The following LIMA1 variants were observed in gnomAD, a reference collection of about 807,000 sequenced individuals.
LIMA1 encodes LIM domain and actin binding 1.
A neutral mutation model predicts 62.6 loss-of-function variants in LIMA1; 52 were observed. The observed-to-expected ratio is 0.83, with a 90% confidence interval of 0.67 to 1.05. The LOEUF is 1.05. Ranked by LOEUF, LIMA1 falls within the 50% of genes least tolerant of loss-of-function variation. LIMA1 has a pLI of 0.00. For synonymous variants in LIMA1, 302 were observed against 317.8 expected, an observed-to-expected ratio of 0.95 and a Z score of 0.53; for missense variants, 780 against 902.2, an observed-to-expected ratio of 0.86 and a Z score of 1.74.
intron 4 of LIMA1, among the ~76,000 whole-genome samples, chr12:50,209,591 A>AAGG (rs1941218177): frequency 1.6e-5 from 1 of 61,458 alleles, no homozygotes; most frequent in South Asian, 7.6e-4. Context: ...AAAAAAAGAA[A>AAGG]AAAGATAATG....
At chr12:50,255,633 TTTTAAGAAATAGA>T (rs978018994) in intron 1 of LIMA1, among the ~76,000 whole-genome samples, 18 of 151,452 alleles carry the variant, frequency 1.2e-4, no homozygotes, top group African/African-American at 4.1e-4. Flanking sequence ...AAAACATTAT[TTTTAAGAAATAGA>T]TTGTAGAGTT....
At chr12:50,282,477 CATCTGGATTAGGCAG>C (rs1942351727) in intron 1 of LIMA1, among the ~76,000 whole-genome samples, 1 of 152,190 alleles carries the variant, frequency 6.6e-6, no homozygotes. Flanking sequence ...TCAATTGAAC[CATCTGGATTAGGCAG>C]ATCTGGATTA....
At chr12:50,262,245 A>G (rs1942080993) in intron 1 of LIMA1, among the ~76,000 whole-genome samples, 1 of 152,210 alleles carries the variant, frequency 6.6e-6, no homozygotes, top group Non-Finnish European at 1.5e-5. Context: ...TTAGAAACCA[A>G]AAGGAAGATG....
At chr12:50,237,517 G>A (rs1941713365) in intron 2 of LIMA1, among the ~76,000 whole-genome samples, 1 of 152,006 alleles carries the variant, frequency 6.6e-6, no homozygotes, top group Non-Finnish European at 1.5e-5. Context: ...CATGCCTGTA[G>A]TCCCAGCAAC....
rs1353784471 is a variant in LIMA1 at position 50,224,298 on chromosome 12, C to A, written c.166-1813G>T. On this transcript the variant is annotated intron_variant, in intron 3 of 10. Transcript: ENST00000341247. The stretch of plus-strand genomic sequence containing the variant: ...AATATACTCTTGAAAGCCACTTCAT[C>A]AAGTAGAAATAAGGCTTGAAAAGAA... The A allele has an allele frequency of 3.3e-5, 5 of 152,278 alleles. No individual in the cohort carries two copies. The East Asian group carries it at 7.7e-4, about 23-fold the overall frequency. The allele number at this position is 152,278 out of a possible 1,614,324, so 9.4% of individuals were successfully genotyped here.
At chr12:50,254,406 T>C (rs1221324598) in intron 1 of LIMA1, among the ~76,000 whole-genome samples, 2 of 152,160 alleles carry the variant, frequency 1.3e-5, no homozygotes, top group Non-Finnish European at 2.9e-5. Flanking sequence ...CCAAATCCCC[T>C]TTTTTACAGT....
chr12:50,276,672 C>T (rs1194244447), intron 1 of LIMA1, among the ~76,000 whole-genome samples: 2 of 152,080 alleles, frequency 1.3e-5, no homozygotes, highest in African/African-American at 4.8e-5. Context: ...GAGTTCAAGA[C>T]CAGCCTGGCC....
intron 1 of LIMA1, among the ~76,000 whole-genome samples, chr12:50,264,590 T>C (rs1942116173): frequency 6.6e-6 from 1 of 152,182 alleles, no homozygotes; most frequent in Non-Finnish European, 1.5e-5. Context: ...AACCTCTCTG[T>C]ACTTTACTTT....
At chr12:50,252,529 C>T (rs1370452434) in intron 1 of LIMA1, among the ~76,000 whole-genome samples, 8 of 140,166 alleles carry the variant, frequency 5.7e-5, no homozygotes, top group Admixed American at 3.1e-4. Flanking sequence ...TGCAGTGAGC[C>T]GAGATTGCAC....
chr12:50,180,480 G>T (rs987435069), intron 10 of LIMA1, among the ~76,000 whole-genome samples: 1 of 151,590 alleles, frequency 6.6e-6, no homozygotes, highest in Non-Finnish European at 1.5e-5. Flanking sequence ...ATCTCAAAAA[G>T]AAAAACCAGA....
At position 50,177,318 on chromosome 12, in the gene LIMA1, T is replaced by C. The variant is rs1356571800; in HGVS notation, c.2026A>G (p.Asn676Asp). ...SKEGHSLEME[N>D]ENLVENGADS... Reference sequence around the variant, plus strand: ...GCACCATTTTCTACAAGATTCTCATTCTCCATCTCCAAACTATGACCTTCC... The same window carrying C: ...GCACCATTTTCTACAAGATTCTCATCCTCCATCTCCAAACTATGACCTTCC... Residue 676 changes from asparagine to aspartate, a missense_variant, in exon 11 of 11, where the codon AAT (asparagine) becomes GAT (aspartate). Asn to Asp is a conservative substitution (Grantham distance 23). Coordinates refer to ENST00000341247, the MANE Select transcript of LIMA1 (RefSeq NM_016357.5). 2 of 1,614,112 alleles carry C rather than the reference T, an allele frequency of 1.2e-6. No individual in the cohort carries two copies. Among genetic ancestry groups the C allele is most frequent in the Non-Finnish European group, 1.7e-6 (2 of 1,180,050 alleles).
intron 1 of LIMA1, among the ~76,000 whole-genome samples, chr12:50,264,307 G>A (rs1034047900): frequency 6.6e-6 from 1 of 152,180 alleles, no homozygotes; most frequent in Non-Finnish European, 1.5e-5. Flanking sequence ...CTGCACAACT[G>A]TGTGACCATA....
At chr12:50,226,349 T>C (rs1416549929) in intron 3 of LIMA1, among the ~76,000 whole-genome samples, 1 of 152,126 alleles carries the variant, frequency 6.6e-6, no homozygotes, top group Non-Finnish European at 1.5e-5. Flanking sequence ...CCCTCTTCTT[T>C]AAATACCTAT....
intron 1 of LIMA1, among the ~76,000 whole-genome samples, chr12:50,267,154 C>G (rs1942148692): frequency 6.6e-6 from 1 of 152,216 alleles, no homozygotes; most frequent in South Asian, 2.1e-4. Context: ...ACTGCAAGCT[C>G]CATCTCCCGG....
intron 1 of LIMA1, among the ~76,000 whole-genome samples, chr12:50,261,051 T>A (rs1392176791): frequency 7.1e-5 from 3 of 42,412 alleles, no homozygotes; most frequent in East Asian, 5.0e-4. Flanking sequence ...TATTTTTTTT[T>A]TTTTTTTTTT....
intron 10 of LIMA1, 47 bp downstream of exon 10, chr12:50,181,857 T>C (rs1260358060): frequency 6.2e-7 from 1 of 1,609,190 alleles, no homozygotes; most frequent in Non-Finnish European, 8.5e-7. Context: ...AAAGACTCCC[T>C]CTAGAGTTCC....
chr12:50,214,024 C>CCACACACACACACACA (rs10632810), intron 4 of LIMA1, among the ~76,000 whole-genome samples: 1,929 of 104,552 alleles, frequency 0.018, 57 homozygotes, highest in African/African-American at 0.057. Context: ...TATTATCTTA[C>CCACACACACACACACA]CACACACACA....
chr12:50,250,211 T>C (rs1275412384), intron 1 of LIMA1, among the ~76,000 whole-genome samples: 1 of 147,822 alleles, frequency 6.8e-6, no homozygotes, highest in Non-Finnish European at 1.5e-5. Context: ...GGCAGGAAAA[T>C]TGCTTGAGGC....
chr12:50,231,595 G>T, intron 3 of LIMA1, 70 bp downstream of exon 3: 1 of 1,356,062 alleles, frequency 7.4e-7, no homozygotes, highest in Non-Finnish European at 1.1e-6. Context: ...CCCCACAGAG[G>T]CTGCAGGTGG....
Sources: gnomAD v4.1 joint callset for allele counts (sites outside exome capture counted in the v4.1 genomes callset) on GRCh38, gnomAD v4.1.1 for gene constraint, MANE v1.5 for transcripts, NCBI Gene and HGNC (gene_info 2026-07-23, HGNC 2026-07-21) for gene names.